RNF169: variants seen among roughly 807,000 people sequenced by gnomAD.
The protein encoded by RNF169 is ring finger protein 169.
RNF169 carries 24 observed loss-of-function variants against 53.9 expected under a neutral mutation model. The ratio of observed to expected loss-of-function variants is 0.45; its 90% CI spans 0.32 to 0.63. The LOEUF is 0.63. RNF169 is among the 20% of genes least tolerant of loss of function. RNF169 has a pLI of 0.04. For synonymous variants in RNF169, 396 were observed against 363.5 expected, an observed-to-expected ratio of 1.09 and a Z score of -1.02; for missense variants, 883 against 906.2, an observed-to-expected ratio of 0.97 and a Z score of 0.33.
chr11:74,834,459 A>G (rs2036222011), intron 4 of RNF169, among the ~76,000 whole-genome samples: 1 of 152,224 alleles, frequency 6.6e-6, no homozygotes, highest in African/African-American at 2.4e-5. Flanking sequence ...TTGGAAACAA[A>G]ATCTTGAACC....
intron 4 of RNF169, among the ~76,000 whole-genome samples, chr11:74,827,902 A>G (rs1455944998): frequency 6.6e-6 from 1 of 152,226 alleles, no homozygotes; most frequent in Non-Finnish European, 1.5e-5. Flanking sequence ...AGCTGGAAGC[A>G]TTCCCCTTGA....
rs559245715 is a variant in RNF169, at chr11:74,796,107, C to T, written c.576+6408C>T. ...GTTAATCGACCATTTGTATGTTTTC[C>T]GTGATTTCTTGTTTATAAGACTTAA... On this transcript the variant is annotated intron_variant, in intron 2 of 5. Coordinates refer to ENST00000299563, the MANE Select transcript of RNF169 (RefSeq NM_001098638.2). Among the ~76,000 whole-genome samples the T allele has an allele frequency of 4.3e-4, 66 of 152,166 alleles. 2 individuals carry two copies. In the South Asian group the frequency reaches 9.8e-3, roughly 23 times the overall value.
chr11:74,800,335 CTT>C (rs1565180490), intron 2 of RNF169, among the ~76,000 whole-genome samples: 2 of 152,002 alleles, frequency 1.3e-5, no homozygotes, highest in Admixed American at 6.6e-5. Flanking sequence ...TTATTGCAGA[CTT>C]TTTAAAAAAT....
chr11:74,809,619 A>T (rs990626703), intron 2 of RNF169, among the ~76,000 whole-genome samples: 1 of 152,240 alleles, frequency 6.6e-6, no homozygotes, highest in Admixed American at 6.5e-5. Context: ...CTGGAGTTCA[A>T]GACCAGCCTG....
At chr11:74,764,276 A>G (rs1393244813) in intron 1 of RNF169, among the ~76,000 whole-genome samples, 2 of 152,356 alleles carry the variant, frequency 1.3e-5, no homozygotes, top group South Asian at 2.1e-4. Flanking sequence ...GCGCACGCCT[A>G]TAGTCCCAGC....
intron 4 of RNF169, among the ~76,000 whole-genome samples, chr11:74,820,472 C>G (rs142134212): frequency 6.6e-6 from 1 of 151,758 alleles, no homozygotes; most frequent in Non-Finnish European, 1.5e-5. Context: ...GGGTGGGGGC[C>G]GTTAGGAGGT....
At chr11:74,816,012 T>C (rs1380275467) in intron 3 of RNF169, among the ~76,000 whole-genome samples, 1 of 152,110 alleles carries the variant, frequency 6.6e-6, no homozygotes, top group East Asian at 1.9e-4. Flanking sequence ...TACAACAGAG[T>C]TCTCTGAGGA....
At chr11:74,772,798 A>G (rs538362270) in intron 1 of RNF169, among the ~76,000 whole-genome samples, 28 of 152,358 alleles carry the variant, frequency 1.8e-4, no homozygotes, top group African/African-American at 6.5e-4. Flanking sequence ...AAGGAATAGA[A>G]TAGATACTAG....
At chr11:74,814,379 C>A (rs2035915636) in intron 3 of RNF169, among the ~76,000 whole-genome samples, 1 of 103,468 alleles carries the variant, frequency 9.7e-6, no homozygotes, top group African/African-American at 3.8e-5. Flanking sequence ...TTCTTTCTTG[C>A]CTTTTTTTTT....
chr11:74,835,502 T>A (rs777089477), intron 5 of RNF169, 44 bp from the exon 6 acceptor site: 12 of 1,421,314 alleles, frequency 8.4e-6, no homozygotes, highest in Non-Finnish European at 1.2e-5. Context: ...GGAAAATGTA[T>A]ATGTATGTGT....
intron 2 of RNF169, among the ~76,000 whole-genome samples, chr11:74,802,929 G>T (rs1027412466): frequency 6.0e-5 from 9 of 151,022 alleles, no homozygotes; most frequent in East Asian, 2.0e-4. Context: ...ATTTTTTTTG[G>T]GGGGGGGTGG....
chr11:74,795,268 G>T (rs1020446780), intron 2 of RNF169, among the ~76,000 whole-genome samples: 1 of 148,460 alleles, frequency 6.7e-6, no homozygotes, highest in African/African-American at 2.5e-5. Flanking sequence ...CACCCAGGCC[G>T]GAGTGCAGTA....
intron 4 of RNF169, among the ~76,000 whole-genome samples, chr11:74,821,739 A>C (rs1222425456): frequency 6.6e-6 from 1 of 151,696 alleles, no homozygotes; most frequent in East Asian, 1.9e-4. Context: ...ATACATGAGT[A>C]GTTCCTTAGG....
intron 2 of RNF169, among the ~76,000 whole-genome samples, chr11:74,797,129 C>G (rs1430054646): frequency 6.6e-6 from 1 of 152,186 alleles, no homozygotes; most frequent in African/African-American, 2.4e-5. Flanking sequence ...CAGATATAGT[C>G]AATGGGTTAC....
At chr11:74,805,810 T>C (rs1366103875) in intron 2 of RNF169, among the ~76,000 whole-genome samples, 2 of 152,060 alleles carry the variant, frequency 1.3e-5, no homozygotes, top group South Asian at 2.1e-4. Context: ...ACCCTACGGA[T>C]TGAAAATCAG....
At chr11:74,793,973 A>G (rs1231747228) in intron 2 of RNF169, among the ~76,000 whole-genome samples, 3 of 152,148 alleles carry the variant, frequency 2.0e-5, no homozygotes, top group African/African-American at 4.8e-5. Context: ...AGTCTTCTGT[A>G]TAAATGAGAT....
At chr11:74,834,984 C>T (rs891596336) in intron 5 of RNF169, among the ~76,000 whole-genome samples, 1 of 151,898 alleles carries the variant, frequency 6.6e-6, no homozygotes, top group South Asian at 2.1e-4. Flanking sequence ...AGAGAATCCC[C>T]CCTTCTTTTT....
chr11:74,822,785 A>G (rs578230710), intron 4 of RNF169, among the ~76,000 whole-genome samples: 32 of 152,040 alleles, frequency 2.1e-4, no homozygotes, highest in African/African-American at 7.8e-4. Context: ...TGGGTTTCTA[A>G]TAAATGTTGA....
chr11:74,838,686 CCACTT>C lies in RNF169; in HGVS notation c.*1959_*1963del, dbSNP rs2036293971. On this transcript the variant is annotated 3_prime_UTR_variant, in exon 6 of 6. Coordinates refer to ENST00000299563, the MANE Select transcript of RNF169 (RefSeq NM_001098638.2). Reference sequence around the variant, plus strand: ...CCAAACTCATGATTTTGTAGTCACACCACTTCAGTTCTGGGCCCTACCAACAATTT... The same window carrying C: ...CCAAACTCATGATTTTGTAGTCACACCAGTTCTGGGCCCTACCAACAATTT... The C allele has an allele frequency of 6.6e-6, 1 of 152,222 alleles. No homozygotes were observed. Among genetic ancestry groups the C allele is most frequent in the Non-Finnish European group, 1.5e-5 (1 of 68,038 alleles). 9.4% of individuals were successfully genotyped at this position (152,222 alleles called of 1,614,324 possible).
Sources: allele counts gnomAD v4.1 joint callset (sites outside exome capture counted in the v4.1 genomes callset), GRCh38; gene constraint gnomAD v4.1.1; transcripts MANE v1.5; gene names NCBI Gene and HGNC (gene_info 2026-07-23, HGNC 2026-07-21).